WDR11: variants seen among roughly 807,000 people sequenced by gnomAD.
WDR11 encodes the protein WD repeat domain 11, also known as WD repeat-containing protein 11.
Under a neutral mutation model 151.2 loss-of-function variants are expected in WDR11, and 83 were observed. The observed-to-expected ratio is 0.55, with a 90% CI of 0.46 to 0.66. The LOEUF is 0.66. Ranked by LOEUF, WDR11 falls within the 30% of genes least tolerant of loss-of-function variation. The pLI is 0.00. For missense variants in WDR11, 1,301 were observed against 1,480.9 expected (o/e 0.88, Z 1.99); for synonymous variants, 484 against 533.1 (o/e 0.91, Z 1.27).
chr10:120,871,143 A>G, intron 9 of WDR11, 27 bp from the exon 10 acceptor site: 2 of 1,610,558 alleles, frequency 1.2e-6, no homozygotes, highest in Non-Finnish European at 1.7e-6. Context: ...TGTAGTTAAT[A>G]TATTTGTTAT....
At chr10:120,879,146 T>C (rs1178287790) in intron 12 of WDR11, 1 of 152,252 alleles carries the variant, frequency 6.6e-6, no homozygotes, top group Admixed American at 6.5e-5. Flanking sequence ...GAATCATATG[T>C]AGATGATCTT....
At chr10:120,903,635 T>C (rs911839614) in intron 23 of WDR11, among the ~76,000 whole-genome samples, 3 of 152,222 alleles carry the variant, frequency 2.0e-5, no homozygotes, top group African/African-American at 4.8e-5. Flanking sequence ...AAAATTTTAT[T>C]ATTAAACAGG....
At chr10:120,891,008 G>GT (rs1847413199) in intron 19 of WDR11, 121 bp downstream of exon 19, 1 of 1,096,628 alleles carries the variant, frequency 9.1e-7, no homozygotes, top group Non-Finnish European at 1.3e-6. Context: ...TAGAATCTGA[G>GT]TTTAAGAAAA....
rs532754322 is a variant in WDR11, at chr10:120,908,753, A to T, written c.*40A>T. ...CCAGGGAATCTGACCTGGAAGGCAG[A>T]TGGGAGGGGGCTGGTCTGGCTGTGG... On this transcript the variant is annotated 3_prime_UTR_variant, in exon 29 of 29. Transcript: ENST00000263461. 9 of 1,611,442 alleles carry T rather than the reference A, an allele frequency of 5.6e-6. No individual in the cohort carries two copies. The South Asian group carries it at 9.9e-5, about 18-fold the overall frequency.
Position 120,901,108 on chromosome 10 carries a change from C to T in WDR11, c.2687+10C>T, listed in dbSNP as rs768988805. The T allele has an allele frequency of 6.3e-7, 1 of 1,594,864 alleles. No individual in the cohort carries two copies. The highest frequency in any genetic ancestry group is 1.7e-5 in the Admixed American group (1 of 59,974). ...TGAATTCATTGTCTAAGTAAGCACT[C>T]CATGTTTCATTAGAAGATAGGAATA... On this transcript the variant is annotated intron_variant, in intron 21 of 28. Transcript: ENST00000263461.
At chr10:120,906,685 A>C (rs1182486646) in intron 27 of WDR11, 91 bp from the exon 28 acceptor site, 7 of 1,609,498 alleles carry the variant, frequency 4.3e-6, no homozygotes, top group Non-Finnish European at 5.9e-6. Context: ...TTTCCAGGGA[A>C]AATGTGTAAA....
At chr10:120,906,517 G>A in intron 27 of WDR11, 1 of 1,348,090 alleles carries the variant, frequency 7.4e-7, no homozygotes, top group Non-Finnish European at 9.5e-7. Context: ...ATGGGCACTT[G>A]TCATATCTCT....
intron 2 of WDR11, among the ~76,000 whole-genome samples, chr10:120,856,645 T>G (rs1312818622): frequency 6.6e-6 from 1 of 152,102 alleles, no homozygotes; most frequent in Non-Finnish European, 1.5e-5. Context: ...AAAATTTTTG[T>G]TTTTGTTTCT....
At chr10:120,864,128 T>A (rs1346703601) in intron 5 of WDR11, among the ~76,000 whole-genome samples, 1 of 152,196 alleles carries the variant, frequency 6.6e-6, no homozygotes, top group Non-Finnish European at 1.5e-5. Context: ...GGACTCTTAC[T>A]ACAATTCTGG....
At chr10:120,906,977 G>T in intron 28 of WDR11, 122 bp downstream of exon 28, 25 of 1,435,084 alleles carry the variant, frequency 1.7e-5, no homozygotes, top group Non-Finnish European at 2.4e-5. Context: ...TCCATGTTCT[G>T]ATTTTCTGAT....
Position 120,908,564 on chromosome 10 carries a change from A to T in WDR11, c.3526A>T (p.Ile1176Phe). 1.2e-6 allele frequency: 2 copies of T among 1,614,202 alleles called. No individual in the cohort carries two copies. The highest frequency in any genetic ancestry group is 1.7e-6 in the Non-Finnish European group (2 of 1,180,040). ...FEVTEDTEKL[I>F]TAIYADYARS... Reference sequence around the variant, plus strand: ...CCTTAACTATGGTTTACAGAAACTCATCACTGCTATATATGCAGATTATGC... The same window carrying T: ...CCTTAACTATGGTTTACAGAAACTCTTCACTGCTATATATGCAGATTATGC... The change falls in exon 29 of 29, where the codon ATC becomes TTC. Residue 1176 changes from isoleucine to phenylalanine, a missense_variant. Physicochemically the swap from Ile to Phe is conservative, Grantham distance 21. Coordinates refer to ENST00000263461, the MANE Select transcript of WDR11 (RefSeq NM_018117.12).
At position 120,905,338 on chromosome 10, in the gene WDR11, C is replaced by T. The variant is rs1349348753; in HGVS notation, c.3213C>T (p.Cys1071=). The change falls in exon 26 of 29, where the codon TGC becomes TGT. Residue 1071 remains cysteine, a synonymous_variant. Coordinates refer to ENST00000263461, the MANE Select transcript of WDR11 (RefSeq NM_018117.12). ...TTTCAGAGGGCGTTCAGTTGCTCTG[C>T]CTGATAGATAAGGCTGCAGACGCCT... The part of the protein sequence containing the change: ...GKLAEGVQLL[C]LIDKAADACR... The T allele has an allele frequency of 1.2e-6, 2 of 1,613,914 alleles. No homozygotes were observed. Among genetic ancestry groups the T allele is most frequent in the Admixed American group, 3.3e-5 (2 of 59,996 alleles).
At chr10:120,905,165 C>G (rs1847985213) in intron 25 of WDR11, among the ~76,000 whole-genome samples, 154 bp from the exon 26 acceptor site, 1 of 152,090 alleles carries the variant, frequency 6.6e-6, no homozygotes, top group African/African-American at 2.4e-5. Context: ...CAGTAAAACT[C>G]TTAATATTAT....
At chr10:120,867,219 CA>C in intron 9 of WDR11, 50 bp downstream of exon 9, 2 of 1,302,412 alleles carry the variant, frequency 1.5e-6, no homozygotes, top group Non-Finnish European at 1.1e-6. Flanking sequence ...TTCTGAAGGG[CA>C]AAATTAATAG....
At position 120,904,035 on chromosome 10, in the gene WDR11, T is replaced by C; in HGVS notation, c.2932-12T>C. 6.3e-7 allele frequency: 1 copy of C among 1,583,578 alleles called. No homozygotes were observed. The highest frequency in any genetic ancestry group is 8.7e-7 in the Non-Finnish European group (1 of 1,153,430). On this transcript the variant is annotated splice_polypyrimidine_tract_variant and intron_variant, in intron 23 of 28. Transcript: ENST00000263461. ...AATCCAGGCTTAATTTTTCTTTTTT[T>C]TCCAATTCTAGAAATTTCAGCTAGA... is the stretch of plus-strand genomic sequence containing the variant.
rs2133745425 is a variant in WDR11, at chr10:120,865,658, T to C, written c.908T>C (p.Leu303Ser). 6.2e-7 allele frequency: 1 copy of C among 1,610,768 alleles called. No homozygotes were observed. The highest frequency in any genetic ancestry group is 8.5e-7 in the Non-Finnish European group (1 of 1,179,046). The change falls in exon 7 of 29, where the codon TTA becomes TCA. Residue 303 changes from leucine to serine, a missense_variant. By Grantham distance (145) the Leu-to-Ser change is moderately radical. Transcript: ENST00000263461. ...ATACCCTGCTTTCAGCGTGATGGTT[T>C]ATTTTGTCTACATGAAAATGGTTGT... ...QVIPCFQRDGLFCLHENGCIT... is the reference protein window; with the variant it reads ...QVIPCFQRDGSFCLHENGCIT...
chr10:120,887,935 A>ATG (rs1187352267), intron 16 of WDR11, among the ~76,000 whole-genome samples: 4 of 97,496 alleles, frequency 4.1e-5, no homozygotes, highest in Non-Finnish European at 6.8e-5. Context: ...TTTCTTTAAT[A>ATG]TTTTTTTTTA....
chr10:120,883,158 A>G (rs1264127837), intron 13 of WDR11, among the ~76,000 whole-genome samples: 1 of 152,122 alleles, frequency 6.6e-6, no homozygotes, highest in Non-Finnish European at 1.5e-5. Flanking sequence ...TCCTGAGTGG[A>G]AGAATCTCAG....
rs1219936577 is a variant in WDR11, at chr10:120,860,105, C to T, written c.353-4C>T. The T allele has an allele frequency of 6.2e-7, 1 of 1,614,042 alleles. No individual in the cohort carries two copies. Among genetic ancestry groups the T allele is most frequent in the Non-Finnish European group, 8.5e-7 (1 of 1,180,006 alleles). On this transcript the variant is annotated splice_polypyrimidine_tract_variant and splice_region_variant and intron_variant, in intron 3 of 28. Transcript: ENST00000263461. ...TTTTGCCTTTCTTTATCGGGTCTTT[C>T]CAGATGTTCAGTGGTTGTGGAATCA...
Sources: gnomAD v4.1 joint callset for allele counts (sites outside exome capture counted in the v4.1 genomes callset) on GRCh38, gnomAD v4.1.1 for gene constraint, MANE v1.5 for transcripts, NCBI Gene and HGNC (gene_info 2026-07-23, HGNC 2026-07-21) for gene names.